OC90: variants seen among roughly 807,000 people sequenced by gnomAD.
The protein encoded by OC90 is otoconin-90.
In OC90, 46 loss-of-function variants were observed where a neutral mutation model predicts 47.3. That is an observed-to-expected ratio of 0.97 (90% CI 0.77 to 1.24). OC90 has a LOEUF of 1.24. OC90 is among the 50% of genes most tolerant of loss of function. The pLI is 0.00. For missense variants in OC90, 688 were observed against 583.9 expected (o/e 1.18, Z -1.84); for synonymous variants, 271 against 219.5 (o/e 1.23, Z -2.07).
chr8:132,027,442 T>C (rs778545913), intron 13 of OC90, among the ~76,000 whole-genome samples: 2 of 152,128 alleles, frequency 1.3e-5, no homozygotes, highest in Non-Finnish European at 2.9e-5. Flanking sequence ...GCTGAGGTTG[T>C]GTAGAGGAAG....
rs187677649 is a variant in OC90, at chr8:132,029,324, A to G, written c.1032-145T>C. The G allele has an allele frequency of 4.2e-3, 2,725 of 655,268 alleles. 10 individuals carry two copies. Among genetic ancestry groups the G allele is most frequent in the Non-Finnish European group, 5.7e-3 (2,121 of 371,178 alleles). 40.6% of individuals were successfully genotyped at this position (655,268 alleles called of 1,614,324 possible). ...CAGTGCACACAGGGCTGACTCATAT[A>G]CACACCAAGGGCCGTCGTGTATGGT... On this transcript the variant is annotated intron_variant, in intron 12 of 13. Coordinates refer to ENST00000254627, the MANE Select transcript of OC90 (RefSeq NM_001080399.3).
At chr8:132,057,650 T>A (rs1220532478) in intron 1 of OC90, among the ~76,000 whole-genome samples, 1 of 152,248 alleles carries the variant, frequency 6.6e-6, no homozygotes, top group Non-Finnish European at 1.5e-5. Context: ...GTCAATATTA[T>A]GTATATTTTA....
intron 13 of OC90, among the ~76,000 whole-genome samples, chr8:132,028,430 G>C (rs887409745): frequency 6.6e-6 from 1 of 151,682 alleles, no homozygotes; most frequent in Non-Finnish European, 1.5e-5. Flanking sequence ...GGAATCAGGG[G>C]GTTAGAGGTT....
chr8:132,026,958 C>T (rs1356364416), intron 13 of OC90, among the ~76,000 whole-genome samples: 1 of 152,240 alleles, frequency 6.6e-6, no homozygotes, highest in African/African-American at 2.4e-5. Context: ...AACCACAGCT[C>T]AGTTGTCCCT....
intron 10 of OC90, 99 bp from the exon 11 acceptor site, chr8:132,033,263 A>G (rs982115721): frequency 6.6e-6 from 8 of 1,212,108 alleles, no homozygotes; most frequent in African/African-American, 3.0e-5. Flanking sequence ...ATAGAACAAC[A>G]TAGTGTTAGG....
At chr8:132,055,468 G>C (rs1248814524) in intron 1 of OC90, among the ~76,000 whole-genome samples, 1 of 152,158 alleles carries the variant, frequency 6.6e-6, no homozygotes, top group East Asian at 1.9e-4. Flanking sequence ...AATGCGGAAG[G>C]GAGGCAAGGT....
At chr8:132,027,487 C>T (rs1469762627) in intron 13 of OC90, among the ~76,000 whole-genome samples, 1 of 152,098 alleles carries the variant, frequency 6.6e-6, no homozygotes, top group Non-Finnish European at 1.5e-5. Flanking sequence ...GTGGGCTGCC[C>T]CAGACGAAAA....
chr8:132,031,215 T>C (rs780378841), intron 12 of OC90, among the ~76,000 whole-genome samples: 1 of 152,198 alleles, frequency 6.6e-6, no homozygotes, highest in Non-Finnish European at 1.5e-5. Flanking sequence ...TAAGCTTCCA[T>C]TGGGCAAAAA....
At chr8:132,049,934 A>C (rs1360404528) in intron 2 of OC90, 1 of 475,882 alleles carries the variant, frequency 2.1e-6, no homozygotes, top group African/African-American at 1.9e-5. Context: ...TGGATGTGTC[A>C]TTAGCATTTT....
At chr8:132,054,214 G>A (rs12115180) in intron 2 of OC90, among the ~76,000 whole-genome samples, 3,779 of 152,262 alleles carry the variant, frequency 0.025, 136 homozygotes, top group African/African-American at 0.084. Context: ...AGTGGGCAAG[G>A]CTCCTGGGGC....
At chr8:132,035,934 A>G (rs1470309616) in intron 9 of OC90, among the ~76,000 whole-genome samples, 2 of 152,224 alleles carry the variant, frequency 1.3e-5, no homozygotes, top group Non-Finnish European at 2.9e-5. Flanking sequence ...CTCGTTAACC[A>G]AAGAACCCAT....
chr8:132,040,380 A>C (rs186580644), intron 6 of OC90, among the ~76,000 whole-genome samples: 93 of 152,310 alleles, frequency 6.1e-4, no homozygotes, highest in Non-Finnish European at 1.1e-3. Context: ...GTATGGCTGT[A>C]ATATAGGAAC....
At chr8:132,050,884 C>T (rs947183116) in intron 2 of OC90, among the ~76,000 whole-genome samples, 2 of 152,070 alleles carry the variant, frequency 1.3e-5, no homozygotes, top group Non-Finnish European at 2.9e-5. Flanking sequence ...ATCCCAGCTA[C>T]TCAGGAGGCT....
intron 4 of OC90, among the ~76,000 whole-genome samples, chr8:132,043,996 T>C (rs2130860054): frequency 6.6e-6 from 1 of 152,284 alleles, no homozygotes; most frequent in South Asian, 2.1e-4. Flanking sequence ...ATAAATGGGA[T>C]CTTTGACACA....
At chr8:132,040,416 C>T (rs940409908) in intron 6 of OC90, among the ~76,000 whole-genome samples, 11 of 152,212 alleles carry the variant, frequency 7.2e-5, no homozygotes, top group African/African-American at 2.4e-4. Context: ...TCTGTCTTCC[C>T]TTCATGCCTT....
At chr8:132,053,031 C>A (rs994549721) in intron 2 of OC90, among the ~76,000 whole-genome samples, 2 of 152,176 alleles carry the variant, frequency 1.3e-5, no homozygotes, top group Non-Finnish European at 2.9e-5. Flanking sequence ...CAGCAAACTA[C>A]TTCTTGCCAT....
At chr8:132,042,520 A>G (rs1177079928) in intron 4 of OC90, among the ~76,000 whole-genome samples, 1 of 152,140 alleles carries the variant, frequency 6.6e-6, no homozygotes, top group Non-Finnish European at 1.5e-5. Context: ...TTTTCAGCCT[A>G]TGACCGCCTC....
rs751050967 is a variant in OC90 at position 132,031,964 on chromosome 8, T to G, written c.948A>C (p.Thr316=). ...PQLGEMLFCL[T]SRCPEEFESY... is the part of the protein sequence containing the mutation. The stretch of plus-strand genomic sequence containing the variant: ...ACTCAAATTCCTCCGGGCACCGGGA[T>G]GTCAGACAAAAGAGCATCTCTCCAA... Residue 316 remains threonine, a synonymous_variant, in exon 12 of 14, where the codon ACA becomes ACC. Transcript: ENST00000254627. 6.2e-7 allele frequency: 1 copy of G among 1,614,042 alleles called. No individual in the cohort carries two copies. The highest frequency in any genetic ancestry group is 8.5e-7 in the Non-Finnish European group (1 of 1,179,880).
At chr8:132,040,182 C>T (rs1313395287) in intron 6 of OC90, among the ~76,000 whole-genome samples, 2 of 152,218 alleles carry the variant, frequency 1.3e-5, no homozygotes, top group African/African-American at 4.8e-5. Context: ...ATACTCCAGC[C>T]AGTCCATGTT....
Sources: gnomAD v4.1 joint callset for allele counts (sites outside exome capture counted in the v4.1 genomes callset) on GRCh38, gnomAD v4.1.1 for gene constraint, MANE v1.5 for transcripts, NCBI Gene and HGNC (gene_info 2026-07-23, HGNC 2026-07-21) for gene names.